STOX2: variants seen among roughly 807,000 people sequenced by gnomAD.
The protein encoded by STOX2 is storkhead-box protein 2.
A neutral mutation model predicts 60.9 loss-of-function variants in STOX2; 28 were observed. That is an observed-to-expected ratio of 0.46 (90% CI 0.34 to 0.63). The LOEUF is 0.63. STOX2 is among the 30% of genes least tolerant of loss of function. The pLI is 0.01. For synonymous variants in STOX2, 472 were observed against 463.9 expected (o/e 1.02, Z -0.22); for missense variants, 1,024 against 1,187.7 (o/e 0.86, Z 2.03).
At chr4:183,802,059 C>T (rs1364384812) in intron 1 of STOX2, among the ~76,000 whole-genome samples, 1 of 152,210 alleles carries the variant, frequency 6.6e-6, no homozygotes, top group African/African-American at 2.4e-5. Context: ...GGCCTTCTAG[C>T]CTCGGCCACA....
intron 3 of STOX2, among the ~76,000 whole-genome samples, chr4:184,016,753 C>G (rs903984095): frequency 1.3e-5 from 2 of 152,186 alleles, no homozygotes; most frequent in Non-Finnish European, 2.9e-5. Context: ...TTATGAGTAT[C>G]TGTTTTAAAA....
chr4:183,885,692 C>T (rs1357868770), intron 1 of STOX2, among the ~76,000 whole-genome samples: 4 of 152,228 alleles, frequency 2.6e-5, no homozygotes, highest in Non-Finnish European at 5.9e-5. Flanking sequence ...ATCCAAGGTC[C>T]TGCTCCTTAT....
intron 1 of STOX2, among the ~76,000 whole-genome samples, chr4:183,994,076 C>T (rs1028583401): frequency 2.6e-5 from 4 of 152,116 alleles, no homozygotes; most frequent in East Asian, 1.9e-4. Context: ...GCGCTGCATC[C>T]GAGAAGTTGT....
chr4:183,827,887 A>G (rs969734612), intron 1 of STOX2, among the ~76,000 whole-genome samples: 1 of 151,918 alleles, frequency 6.6e-6, no homozygotes, highest in African/African-American at 2.4e-5. Context: ...AAAAAAAAAA[A>G]AAAAAAGAAA....
intron 1 of STOX2, among the ~76,000 whole-genome samples, chr4:183,951,444 C>CTT (rs1163579369): frequency 0.023 from 1,542 of 66,436 alleles, 24 homozygotes; most frequent in East Asian, 0.085. Context: ...CTCTCTCTCT[C>CTT]TTTTTTTTTT....
chr4:183,938,226 G>T (rs1472514026), intron 1 of STOX2, among the ~76,000 whole-genome samples: 1 of 152,160 alleles, frequency 6.6e-6, no homozygotes, highest in Non-Finnish European at 1.5e-5. Flanking sequence ...CATACCTTTT[G>T]TGAGACTGGT....
intron 1 of STOX2, among the ~76,000 whole-genome samples, chr4:183,969,094 T>C (rs59500771): frequency 0.082 from 12,493 of 152,294 alleles, 737 homozygotes; most frequent in African/African-American, 0.16. Context: ...CCTGTGAGAA[T>C]TGACGCCTTT....
intron 1 of STOX2, among the ~76,000 whole-genome samples, chr4:183,973,862 C>T (rs916981787): frequency 3.9e-5 from 6 of 152,180 alleles, no homozygotes; most frequent in African/African-American, 9.6e-5. Context: ...GGCGTGGTGG[C>T]GCATGCCTGT....
At position 183,798,702 on chromosome 4, in the gene STOX2, G is replaced by GA. The variant is rs1031969708; in HGVS notation, c.364+655dup. Reference sequence around the variant, plus strand: ...AGGAAGAGACACAAAGAGGCCGGAGGAAAAAAAATCTGATCCTCAACAAAA... The same window carrying GA: ...AGGAAGAGACACAAAGAGGCCGGAGGAAAAAAAAATCTGATCCTCAACAAAA... On this transcript the variant is annotated intron_variant, in intron 1 of 2. Transcript: ENST00000513034. The GA allele has an allele frequency of 1.2e-5, 12 of 985,228 alleles. No individual in the cohort carries two copies. In the African/African-American group the frequency reaches 1.9e-4, roughly 16 times the overall value. 61.0% of individuals were successfully genotyped at this position (985,228 alleles called of 1,614,324 possible).
At position 184,010,591 on chromosome 4, in the gene STOX2, T is replaced by G; in HGVS notation, c.1753T>G (p.Tyr585Asp). 2 of 1,614,030 alleles carry G rather than the reference T, an allele frequency of 1.2e-6. No individual in the cohort carries two copies. The highest frequency in any genetic ancestry group is 1.7e-6 in the Non-Finnish European group (2 of 1,179,900). Reference sequence around the variant, plus strand: ...AAAACCACCCGAGAGTTTGCCATCCTATGGCGAACTCAACTCTTGTCCAAC... The same window carrying G: ...AAAACCACCCGAGAGTTTGCCATCCGATGGCGAACTCAACTCTTGTCCAAC... ...PGKPPESLPS[Y>D]GELNSCPTKT... Residue 585 changes from tyrosine (Y) to aspartate (D), a missense_variant, in exon 3 of 4, where the codon TAT (tyrosine) becomes GAT (aspartate). Physicochemically the swap from Tyr to Asp is radical, Grantham distance 160. Transcript: ENST00000308497. This position sits in a 1 kb window ranked among gnomAD's most constrained non-coding sequence, Gnocchi z 4.5.
In STOX2 at chr4:183,856,831, A is replaced by C. The variant is rs993237186; in HGVS notation, c.364+58776A>C. Among the ~76,000 whole-genome samples, 6 of 151,996 alleles carry C rather than the reference A, an allele frequency of 3.9e-5. No individual in the cohort carries two copies. The highest frequency in any genetic ancestry group is 1.2e-4 in the African/African-American group (5 of 41,368). ...AATGTGTGTAGCTTTATTTTTTTTG[A>C]CACTTACCCTATGGGACCAAAACAG... On this transcript the variant is annotated intron_variant, in intron 1 of 2. Transcript: ENST00000513034. This position sits in a 1 kb window ranked among gnomAD's most constrained non-coding sequence, Gnocchi z 4.0.
At chr4:183,840,051 C>CGT (rs899618575) in intron 1 of STOX2, among the ~76,000 whole-genome samples, 1 of 151,124 alleles carries the variant, frequency 6.6e-6, no homozygotes, top group African/African-American at 2.4e-5. Flanking sequence ...TGTGTGTGTG[C>CGT]GCGTGTGTGT....
intron 1 of STOX2, among the ~76,000 whole-genome samples, chr4:183,969,120 T>A (rs1288977713): frequency 6.6e-6 from 1 of 152,206 alleles, no homozygotes; most frequent in Non-Finnish European, 1.5e-5. Context: ...AAAATATGAA[T>A]GTGGTAGACA....
chr4:183,842,386 TTTAA>T (rs1739883315), intron 1 of STOX2, among the ~76,000 whole-genome samples: 1 of 152,218 alleles, frequency 6.6e-6, no homozygotes, highest in Non-Finnish European at 1.5e-5. Flanking sequence ...TCAATTTCCC[TTTAA>T]TTACCTCCTC....
At chr4:184,012,727 C>T (rs1734216914) in intron 3 of STOX2, among the ~76,000 whole-genome samples, 1 of 152,184 alleles carries the variant, frequency 6.6e-6, no homozygotes, top group South Asian at 2.1e-4. Context: ...CCCAGTCCCT[C>T]TCCCCATCCC....
chr4:183,972,127 C>T (rs980497904), intron 1 of STOX2, among the ~76,000 whole-genome samples: 4 of 152,164 alleles, frequency 2.6e-5, no homozygotes, highest in Non-Finnish European at 4.4e-5. Flanking sequence ...TCCTGCACAG[C>T]GGCGTAGGGC....
chr4:183,911,479 G>T (rs542503375), intron 1 of STOX2, among the ~76,000 whole-genome samples: 1 of 152,162 alleles, frequency 6.6e-6, no homozygotes, highest in Non-Finnish European at 1.5e-5. Flanking sequence ...TTCATCAGGC[G>T]AGTGGAAGTG....
intron 1 of STOX2, among the ~76,000 whole-genome samples, chr4:183,809,148 C>A (rs1230592505): frequency 6.6e-6 from 1 of 152,072 alleles, no homozygotes; most frequent in East Asian, 1.9e-4. Flanking sequence ...GTGGTGTGAT[C>A]ACGGCTCACT....
chr4:183,961,394 G>A (rs771796158), intron 1 of STOX2, among the ~76,000 whole-genome samples: 43 of 151,854 alleles, frequency 2.8e-4, no homozygotes, highest in Non-Finnish European at 5.9e-4. Context: ...TGCATAGAAC[G>A]GTGGACTCTG....
Sources: gnomAD v4.1 joint callset for allele counts (sites outside exome capture counted in the v4.1 genomes callset) on GRCh38, gnomAD v4.1.1 for gene constraint, Gnocchi (gnomAD v3.1) non-coding constraint, MANE v1.5 for transcripts, NCBI Gene and HGNC (gene_info 2026-07-23, HGNC 2026-07-21) for gene names.